CEP112: variants seen among roughly 807,000 people sequenced by gnomAD.
CEP112 encodes centrosomal protein of 112 kDa.
CEP112 carries 127 observed loss-of-function variants against 153.0 expected under a neutral mutation model. That is an observed-to-expected ratio of 0.83 (90% CI 0.72 to 0.96). The LOEUF (loss-of-function observed/expected upper bound fraction) is 0.96, where lower values mean the gene tolerates loss of function less well. Among genes scored for constraint, CEP112 ranks in the 40% least tolerant of loss-of-function variants. The pLI, the probability that CEP112 is intolerant of heterozygous loss-of-function variation, is 0.00. For missense variants in CEP112, 1,089 were observed against 1,101.2 expected, an observed-to-expected ratio of 0.99 and a Z score of 0.16; for synonymous variants, 358 against 374.4, an observed-to-expected ratio of 0.96 and a Z score of 0.51.
chr17:65,657,932 C>T (rs1339922398), intron 24 of CEP112, among the ~76,000 whole-genome samples: 1 of 152,038 alleles, frequency 6.6e-6, no homozygotes, highest in South Asian at 2.1e-4. Context: ...GTAGGTGGCA[C>T]CTTGAAATTA....
intron 4 of CEP112, among the ~76,000 whole-genome samples, chr17:66,149,898 T>TTG (rs1346463197): frequency 9.2e-6 from 1 of 108,950 alleles, no homozygotes; most frequent in East Asian, 3.0e-4. Flanking sequence ...GTTTTTTTTT[T>TTG]TTTTTTTTTT....
chr17:65,905,976 T>A (rs1285543318), intron 19 of CEP112, among the ~76,000 whole-genome samples: 1 of 151,480 alleles, frequency 6.6e-6, no homozygotes, highest in Non-Finnish European at 1.5e-5. Context: ...TGCACACTTA[T>A]GTTTATTGCA....
chr17:66,096,434 C>A, intron 7 of CEP112, 106 bp from the exon 8 acceptor site: 1 of 1,183,092 alleles, frequency 8.5e-7, no homozygotes, highest in Non-Finnish European at 1.2e-6. Flanking sequence ...ATAGTACTAA[C>A]ACTGCAGGAA....
At chr17:65,910,944 C>T (rs1481893685) in intron 19 of CEP112, among the ~76,000 whole-genome samples, 3 of 152,118 alleles carry the variant, frequency 2.0e-5, no homozygotes, top group Non-Finnish European at 4.4e-5. Context: ...AAATTTCAAG[C>T]AAGAGATGAC....
intron 8 of CEP112, among the ~76,000 whole-genome samples, chr17:66,080,713 G>A (rs1314628372): frequency 2.0e-5 from 3 of 152,154 alleles, no homozygotes; most frequent in Non-Finnish European, 1.5e-5. Context: ...ACACGAACAT[G>A]TATGTTTATT....
chr17:65,910,807 A>G (rs1287022007), intron 19 of CEP112, among the ~76,000 whole-genome samples: 1 of 152,162 alleles, frequency 6.6e-6, no homozygotes, highest in Non-Finnish European at 1.5e-5. Context: ...GAAGAGATAA[A>G]TGTGTATATC....
In CEP112 at chr17:66,147,384, C is replaced by T. The variant is rs1023530113; in HGVS notation, c.471-14621G>A. Among the ~76,000 whole-genome samples, 8 of 151,964 alleles carry T rather than the reference C, an allele frequency of 5.3e-5. No individual in the cohort carries two copies. In the South Asian group the frequency reaches 6.2e-4, roughly 12 times the overall value. ...TGTTGAGATGAGTTCTTTACATATTCGGGATATTAACCCCTTTTCAAATAT... is the reference window on the plus strand; with the variant it reads ...TGTTGAGATGAGTTCTTTACATATTTGGGATATTAACCCCTTTTCAAATAT... On this transcript the variant is annotated intron_variant, in intron 4 of 26. Coordinates refer to ENST00000535342, the MANE Select transcript of CEP112 (RefSeq NM_001199165.4).
chr17:66,164,887 T>C (rs1009628363), intron 4 of CEP112, among the ~76,000 whole-genome samples: 2 of 16,880 alleles, frequency 1.2e-4, no homozygotes, highest in African/African-American at 5.3e-4. Flanking sequence ...CACACATATA[T>C]GTGTGTGTGT....
At chr17:65,974,117 CCCA>C (rs1383680832) in intron 17 of CEP112, among the ~76,000 whole-genome samples, 1 of 151,874 alleles carries the variant, frequency 6.6e-6, no homozygotes. Context: ...CACTTTGTCA[CCCA>C]AGCTGGAGTG....
At chr17:65,906,261 C>A (rs2060076432) in intron 19 of CEP112, among the ~76,000 whole-genome samples, 1 of 122,034 alleles carries the variant, frequency 8.2e-6, no homozygotes, top group Non-Finnish European at 1.7e-5. Context: ...ACACAGGGGC[C>A]TGTCGGGGGG....
intron 17 of CEP112, among the ~76,000 whole-genome samples, chr17:65,983,249 C>T (rs373776345): frequency 9.9e-5 from 15 of 152,164 alleles, no homozygotes; most frequent in African/African-American, 3.4e-4. Context: ...AAATAAATGA[C>T]TGTAGCTGTA....
intron 17 of CEP112, among the ~76,000 whole-genome samples, chr17:65,991,555 T>C (rs896933431): frequency 6.6e-6 from 1 of 152,164 alleles, no homozygotes; most frequent in East Asian, 1.9e-4. Flanking sequence ...TCTGGTAGAA[T>C]AGTATTTAGA....
chr17:65,969,680 G>A (rs916308055), intron 17 of CEP112, among the ~76,000 whole-genome samples: 1 of 152,176 alleles, frequency 6.6e-6, no homozygotes, highest in African/African-American at 2.4e-5. Context: ...TTGCATGCAT[G>A]TGTATTGTAT....
At chr17:66,189,231 T>G (rs2073067487) in intron 1 of CEP112, among the ~76,000 whole-genome samples, 1 of 152,204 alleles carries the variant, frequency 6.6e-6, no homozygotes, top group African/African-American at 2.4e-5. Flanking sequence ...CCAGGCGCGT[T>G]GGCTCACACC....
At chr17:65,747,648 T>A (rs572139650) in intron 22 of CEP112, among the ~76,000 whole-genome samples, 3 of 152,170 alleles carry the variant, frequency 2.0e-5, no homozygotes, top group African/African-American at 4.8e-5. Flanking sequence ...TCCATTCTTT[T>A]CTTAAGATAA....
chr17:65,853,223 G>T (rs1365144479), intron 20 of CEP112, among the ~76,000 whole-genome samples: 1 of 152,098 alleles, frequency 6.6e-6, no homozygotes, highest in African/African-American at 2.4e-5. Flanking sequence ...GCTGTTCCAT[G>T]CCTGTCTCCT....
At position 65,732,600 on chromosome 17, in the gene CEP112, C is replaced by T. The variant is rs373876091; in HGVS notation, c.2607+10468G>A. Among the ~76,000 whole-genome samples the T allele has an allele frequency of 3.3e-5, 5 of 152,340 alleles. No homozygotes were observed. The East Asian group carries it at 9.7e-4, about 29-fold the overall frequency. ...TGTTTCATCTACACAGAAAATCTGT[C>T]ATTTAGTGTAGTCACCTTCATCAAT... is the stretch of plus-strand genomic sequence containing the variant. On this transcript the variant is annotated intron_variant, in intron 23 of 26. Coordinates refer to ENST00000535342, the MANE Select transcript of CEP112 (RefSeq NM_001199165.4).
Position 65,738,330 on chromosome 17 carries a change from C to T in CEP112, c.2607+4738G>A, listed in dbSNP as rs77246076. On this transcript the variant is annotated intron_variant, in intron 23 of 26. Coordinates refer to ENST00000535342, the MANE Select transcript of CEP112 (RefSeq NM_001199165.4). ...GGTAGGAGGTGGCAGGGAAGGGTTA[C>T]GGCAGAAAGTATAAGGGTGCAAAAG... Among the ~76,000 whole-genome samples the T allele has an allele frequency of 4.9e-3, 740 of 152,186 alleles. 9 individuals carry two copies. The highest frequency in any genetic ancestry group is 0.017 in the African/African-American group (713 of 41,508).
At chr17:66,092,386 CACAGAT>C (rs1029895240) in intron 8 of CEP112, among the ~76,000 whole-genome samples, 7 of 151,268 alleles carry the variant, frequency 4.6e-5, no homozygotes, top group African/African-American at 1.7e-4. Flanking sequence ...CACACACACA[CACAGAT>C]ACACACACAC....
Sources: allele counts gnomAD v4.1 joint callset (sites outside exome capture counted in the v4.1 genomes callset), GRCh38; gene constraint gnomAD v4.1.1; transcripts MANE v1.5; gene names NCBI Gene and HGNC (gene_info 2026-07-23, HGNC 2026-07-21).